Variants in SIPA1L2 observed in about 807,000 individuals in gnomAD.
The protein encoded by SIPA1L2 is signal-induced proliferation-associated 1-like protein 2.
SIPA1L2 carries 56 observed loss-of-function variants against 163.9 expected under a neutral mutation model. The ratio of observed to expected loss-of-function variants is 0.34; its 90% confidence interval spans 0.28 to 0.43. SIPA1L2 has a LOEUF of 0.43. Ranked by LOEUF, SIPA1L2 falls within the 20% of genes least tolerant of loss-of-function variation. The pLI is 1.00. For synonymous variants in SIPA1L2, 877 were observed against 865.7 expected, an observed-to-expected ratio of 1.01 and a Z score of -0.23; for missense variants, 1,974 against 2,193.5, an observed-to-expected ratio of 0.90 and a Z score of 2.00.
At chr1:232,585,328 G>A (rs549020845) in intron 1 of SIPA1L2, among the ~76,000 whole-genome samples, 55 of 152,258 alleles carry the variant, frequency 3.6e-4, no homozygotes, top group African/African-American at 1.3e-3. Flanking sequence ...TTCTAGCTAA[G>A]TGCCTTTCTC....
intron 2 of SIPA1L2, among the ~76,000 whole-genome samples, chr1:232,541,082 C>A (rs1490196595): frequency 1.3e-5 from 2 of 152,068 alleles, no homozygotes; most frequent in Admixed American, 6.5e-5. Context: ...ACAACACACA[C>A]TGGGGCCAAT....
At position 232,580,082 on chromosome 1, in the gene SIPA1L2, T is replaced by G. The variant is rs555810738; in HGVS notation, c.-318-5860A>C. On this transcript the variant is annotated intron_variant, in intron 1 of 22. Coordinates refer to ENST00000674635, the MANE Select transcript of SIPA1L2 (RefSeq NM_020808.5). ...ACTGAGTATACTTATAGTTATTTCTTGATTACATGCTAAATAAGGGGTAGA... is the reference window on the plus strand; with the variant it reads ...ACTGAGTATACTTATAGTTATTTCTGGATTACATGCTAAATAAGGGGTAGA... Among the ~76,000 whole-genome samples, 5 of 152,316 alleles carry G rather than the reference T, an allele frequency of 3.3e-5. No homozygotes were observed. The East Asian group carries it at 9.7e-4, about 29-fold the overall frequency.
intron 2 of SIPA1L2, among the ~76,000 whole-genome samples, chr1:232,563,143 T>C (rs1437273744): frequency 6.6e-6 from 1 of 152,210 alleles, no homozygotes; most frequent in African/African-American, 2.4e-5. Flanking sequence ...TTTATAAACC[T>C]ATTGTGTGGT....
intron 16 of SIPA1L2, among the ~76,000 whole-genome samples, chr1:232,428,865 T>C (rs1041233578): frequency 1.3e-5 from 2 of 152,182 alleles, no homozygotes; most frequent in East Asian, 3.8e-4. Flanking sequence ...CCTTTCCTAA[T>C]CTGTGTCAGA....
At chr1:232,579,466 C>T (rs1270754674) in intron 1 of SIPA1L2, among the ~76,000 whole-genome samples, 1 of 152,090 alleles carries the variant, frequency 6.6e-6, no homozygotes, top group Non-Finnish European at 1.5e-5. Flanking sequence ...TTAAAAAGCT[C>T]CCAGTACATA....
chr1:232,617,833 C>T (rs1279087731), intron 1 of SIPA1L2, among the ~76,000 whole-genome samples: 1 of 152,198 alleles, frequency 6.6e-6, no homozygotes, highest in East Asian at 1.9e-4. Flanking sequence ...GCATTTCACT[C>T]TATACCTTTT....
At chr1:232,432,788 A>G (rs190144039) in intron 15 of SIPA1L2, among the ~76,000 whole-genome samples, 10 of 152,350 alleles carry the variant, frequency 6.6e-5, no homozygotes, top group African/African-American at 1.9e-4. Flanking sequence ...AATGGTGAAT[A>G]TATTTGTCGG....
In SIPA1L2 at chr1:232,414,945, T is replaced by TA. The variant is rs559201993; in HGVS notation, c.4762+548dup. Among the ~76,000 whole-genome samples the TA allele has an allele frequency of 1.1e-4, 17 of 152,242 alleles. No individual in the cohort carries two copies. In the South Asian group the frequency reaches 1.5e-3, roughly 13 times the overall value. ...GACAGTGTGGCAGCTGGATGGCTCT[T>TA]AGAGATTGGCTAGCCCACCTACCCT... On this transcript the variant is annotated intron_variant, in intron 19 of 22. Coordinates refer to ENST00000674635, the MANE Select transcript of SIPA1L2 (RefSeq NM_020808.5).
chr1:232,413,732 A>G (rs1173483938), intron 19 of SIPA1L2, among the ~76,000 whole-genome samples: 27 of 152,174 alleles, frequency 1.8e-4, no homozygotes, highest in Non-Finnish European at 8.8e-5. Flanking sequence ...CTCTTAAGAA[A>G]CTCATCTCTT....
chr1:232,534,900 T>C (rs188204049), intron 2 of SIPA1L2, among the ~76,000 whole-genome samples: 3 of 152,352 alleles, frequency 2.0e-5, no homozygotes, highest in Admixed American at 6.5e-5. Flanking sequence ...GAACAGTATA[T>C]GAAAATAAAT....
At chr1:232,544,412 T>C (rs898056229) in intron 2 of SIPA1L2, among the ~76,000 whole-genome samples, 4 of 151,980 alleles carry the variant, frequency 2.6e-5, no homozygotes, top group African/African-American at 9.7e-5. Flanking sequence ...TACAAAAAAT[T>C]AGCCAGGCGT....
At position 232,471,544 on chromosome 1, in the gene SIPA1L2, T is replaced by G. The variant is rs1213147913; in HGVS notation, c.2086-16A>C. ...TCCTCAGTAGCTGTGGTCAAGAAAG[T>G]GAAGAGTTACAAATAAGTTTTTCTT... On this transcript the variant is annotated splice_polypyrimidine_tract_variant and intron_variant, in intron 7 of 22. Transcript: ENST00000674635. 6.3e-7 allele frequency: 1 copy of G among 1,586,572 alleles called. No individual in the cohort carries two copies.
At chr1:232,491,266 A>C (rs1205788379) in intron 4 of SIPA1L2, among the ~76,000 whole-genome samples, 2 of 152,322 alleles carry the variant, frequency 1.3e-5, no homozygotes, top group East Asian at 3.9e-4. Context: ...AAGATCAGGA[A>C]CAAGCCAGGC....
intron 1 of SIPA1L2, among the ~76,000 whole-genome samples, chr1:232,601,855 T>G (rs1445900045): frequency 2.0e-5 from 3 of 152,266 alleles, no homozygotes; most frequent in Non-Finnish European, 4.4e-5. Context: ...ATCTTCATAT[T>G]ATTTTCATCT....
At chr1:232,541,934 A>ATCTCTCTCTCTCTCTCTCT (rs1657707719) in intron 2 of SIPA1L2, among the ~76,000 whole-genome samples, 1 of 90,656 alleles carries the variant, frequency 1.1e-5, no homozygotes, top group African/African-American at 5.6e-5. Context: ...CTGAGCCTTA[A>ATCTCTCTCTCTCTCTCTCT]ATCTCTCTCT....
At chr1:232,509,893 C>A (rs1040490239) in intron 3 of SIPA1L2, among the ~76,000 whole-genome samples, 3 of 152,204 alleles carry the variant, frequency 2.0e-5, no homozygotes, top group Non-Finnish European at 4.4e-5. Context: ...GCTCGGCCTT[C>A]TTCTCGCTCC....
Position 232,514,057 on chromosome 1 carries a change from C to T in SIPA1L2, c.1283G>A (p.Arg428Gln), listed in dbSNP as rs752908220. Residue 428 changes from arginine to glutamine, a missense_variant, in exon 3 of 23, where the codon CGA (arginine) becomes CAA (glutamine). This residue lies in a region of SIPA1L2 where 607 missense variants were observed against 624.0 expected (regional missense o/e 0.97). Transcript: ENST00000674635. Reference protein sequence around the residue: ...GEGDRRIALSRANSSSFSSGE... With the variant: ...GEGDRRIALSQANSSSFSSGE... ...AGAACTGAAAGAGGATGAGTTGGCT[C>T]GAGAGAGCGCAATCCGCCTGTCGCC... 6.2e-6 allele frequency: 10 copies of T among 1,614,030 alleles called. No individual in the cohort carries two copies. The highest frequency in any genetic ancestry group is 1.6e-4 in the Middle Eastern group (1 of 6,084).
intron 1 of SIPA1L2, among the ~76,000 whole-genome samples, chr1:232,589,025 G>A (rs1350790903): frequency 6.9e-6 from 1 of 145,700 alleles, no homozygotes; most frequent in Non-Finnish European, 1.5e-5. Flanking sequence ...TTTCCAGAGT[G>A]TAAAAAAAAG....
At chr1:232,571,279 CAATG>C (rs1287747715) in intron 2 of SIPA1L2, among the ~76,000 whole-genome samples, 1 of 152,092 alleles carries the variant, frequency 6.6e-6, no homozygotes, top group Non-Finnish European at 1.5e-5. Context: ...TAAAACCAGA[CAATG>C]AGAAGATGTC....
Sources: gnomAD v4.1 joint callset for allele counts (sites outside exome capture counted in the v4.1 genomes callset) on GRCh38, gnomAD v4.1.1 for gene constraint, gnomAD v4.1.1 regional missense constraint, MANE v1.5 for transcripts, NCBI Gene and HGNC (gene_info 2026-07-23, HGNC 2026-07-21) for gene names.